Variants in FAM107A observed in about 807,000 individuals in gnomAD.
The protein encoded by FAM107A is family with sequence similarity 107 member A, also known as actin-associated protein FAM107A.
In FAM107A, 19 loss-of-function variants were observed where a neutral mutation model predicts 13.7. That is an observed-to-expected ratio of 1.38 (90% confidence interval 0.97 to 2.03). FAM107A has a LOEUF of 2.03. FAM107A is among the 30% of genes most tolerant of loss of function. The pLI is 0.00. For missense variants in FAM107A, 203 were observed against 184.4 expected, an observed-to-expected ratio of 1.10 and a Z score of -0.58; for synonymous variants, 82 against 74.5, an observed-to-expected ratio of 1.10 and a Z score of -0.52.
At position 58,569,317 on chromosome 3, in the gene FAM107A, C is replaced by T. The variant is rs899893726; in HGVS notation, c.170+374G>A. Among the ~76,000 whole-genome samples, 1 of 152,186 alleles carries T rather than the reference C, an allele frequency of 6.6e-6. No individual in the cohort carries two copies. The highest frequency in any genetic ancestry group is 2.4e-5 in the African/African-American group (1 of 41,454). On this transcript the variant is annotated intron_variant, in intron 2 of 3. Coordinates refer to ENST00000360997, the MANE Select transcript of FAM107A (RefSeq NM_001076778.3). The surrounding 1 kb of genome is among the most constrained non-coding windows in gnomAD (Gnocchi z 5.7). ...GCCTATTTATGCCCTCATCAATGCA[C>T]CCATCCTACTGCCTGGCTATGCACC...
intron 1 of FAM107A, among the ~76,000 whole-genome samples, chr3:58,596,181 A>T (rs915415743): frequency 6.6e-6 from 1 of 152,042 alleles, no homozygotes; most frequent in African/African-American, 2.4e-5. Flanking sequence ...ACCTCTTGGC[A>T]TTGGTCACTG....
intron 1 of FAM107A, among the ~76,000 whole-genome samples, chr3:58,599,786 C>T (rs550114981): frequency 7.9e-6 from 1 of 126,016 alleles, no homozygotes; most frequent in East Asian, 2.3e-4. Context: ...GGTGTGATCT[C>T]GGCTTACTGC....
At chr3:58,598,125 C>G (rs900679628) in intron 1 of FAM107A, among the ~76,000 whole-genome samples, 1 of 152,180 alleles carries the variant, frequency 6.6e-6, no homozygotes, top group African/African-American at 2.4e-5. Flanking sequence ...CAACGCTCAC[C>G]CCGAGCCTCC....
upstream of FAM107A, chr3:58,577,555 G>A (rs1346295202): frequency 4.1e-6 from 4 of 985,272 alleles, no homozygotes; most frequent in East Asian, 4.5e-4. The surrounding 1 kb of genome is among the most constrained non-coding windows in gnomAD (Gnocchi z 4.9). Flanking sequence ...CCACTTCCAC[G>A]ATGCGGAACA....
chr3:58,602,121 G>C (rs2065757707), intron 1 of FAM107A, among the ~76,000 whole-genome samples: 1 of 152,110 alleles, frequency 6.6e-6, no homozygotes, highest in South Asian at 2.1e-4. Flanking sequence ...CAGGGAAGGG[G>C]GAAGAGAGAA....
At chr3:58,576,147 A>G (rs2063729049) in intron 1 of FAM107A, among the ~76,000 whole-genome samples, 1 of 152,180 alleles carries the variant, frequency 6.6e-6, no homozygotes, top group African/African-American at 2.4e-5. Context: ...TGTATCTCGG[A>G]GCCACCTCCA....
At chr3:58,615,097 C>T (rs1172557201) in intron 1 of FAM107A, among the ~76,000 whole-genome samples, 8 of 152,364 alleles carry the variant, frequency 5.3e-5, no homozygotes, top group Admixed American at 4.6e-4. Context: ...TGAGCCACCA[C>T]GTCTGGCCCA....
chr3:58,572,153 G>A (rs889217534), intron 1 of FAM107A, among the ~76,000 whole-genome samples: 13 of 152,218 alleles, frequency 8.5e-5, no homozygotes, highest in East Asian at 3.9e-4. Flanking sequence ...GAGAAAGTGC[G>A]TAATAATAAA....
upstream of FAM107A, among the ~76,000 whole-genome samples, chr3:58,582,007 CGT>C (rs576674128): frequency 1.3e-5 from 2 of 151,858 alleles, no homozygotes; most frequent in African/African-American, 2.4e-5. Context: ...TGTGTGTGTG[CGT>C]GTGTGTGTCT....
chr3:58,612,385 G>A (rs2065862892), intron 1 of FAM107A, among the ~76,000 whole-genome samples: 1 of 152,088 alleles, frequency 6.6e-6, no homozygotes, highest in Non-Finnish European at 1.5e-5. Context: ...TTGGAGACGA[G>A]CCTAGGCAAC....
rs550153059 is a variant in FAM107A at position 58,569,836 on chromosome 3, G to A, written c.25C>T (p.Arg9Trp). The change falls in exon 2 of 4, where the codon CGG (arginine) becomes TGG (tryptophan). Residue 9 changes from arginine (R) to tryptophan (W), a missense_variant. Arg to Trp is a moderately radical substitution (Grantham distance 101). Coordinates refer to ENST00000360997, the MANE Select transcript of FAM107A (RefSeq NM_001076778.3). The surrounding 1 kb of genome is among the most constrained non-coding windows in gnomAD (Gnocchi z 5.7). ...GCCATCAGGCCCCCAATGTCTGCCCGCTCCCTCTGGATCTCCGAGTACATG... is the reference window on the plus strand; with the variant it reads ...GCCATCAGGCCCCCAATGTCTGCCCACTCCCTCTGGATCTCCGAGTACATG... MYSEIQRERADIGGLMARP... is the reference protein window; with the variant it reads MYSEIQREWADIGGLMARP... 29 of 1,613,954 alleles carry A rather than the reference G, an allele frequency of 1.8e-5. 1 individual carries two copies. Among genetic ancestry groups the A allele is most frequent in the South Asian group, 1.4e-4 (13 of 91,068 alleles).
chr3:58,622,658 C>T (rs1011435728), intron 1 of FAM107A, among the ~76,000 whole-genome samples: 11 of 152,012 alleles, frequency 7.2e-5, no homozygotes, highest in Admixed American at 1.3e-4. Flanking sequence ...GAAGTGTTGG[C>T]GGTGGATAGA....
chr3:58,616,674 A>G (rs1364897541), intron 1 of FAM107A, among the ~76,000 whole-genome samples: 1 of 152,112 alleles, frequency 6.6e-6, no homozygotes, highest in Non-Finnish European at 1.5e-5. Context: ...GGCATGGAAC[A>G]GATCCTCTGA....
intron 1 of FAM107A, among the ~76,000 whole-genome samples, chr3:58,586,238 C>G (rs1367901288): frequency 6.9e-6 from 1 of 144,288 alleles, no homozygotes; most frequent in African/African-American, 2.6e-5. Context: ...CAGCCGCCTT[C>G]AGGCACTTGT....
At chr3:58,586,832 G>C in intron 1 of FAM107A, 1 of 1,518,538 alleles carries the variant, frequency 6.6e-7, no homozygotes, top group Non-Finnish European at 8.8e-7. Flanking sequence ...ACTTCCCGCG[G>C]CGAGGGTGGC....
intron 1 of FAM107A, among the ~76,000 whole-genome samples, chr3:58,593,811 C>T (rs1439291002): frequency 6.6e-6 from 1 of 152,186 alleles, no homozygotes; most frequent in Non-Finnish European, 1.5e-5. Flanking sequence ...CTCCCTGCAC[C>T]TCCGAACCTC....
rs373421009 is a variant in FAM107A, at chr3:58,625,098, A to C, written c.-70+2318T>G. 5.9e-5 allele frequency among the ~76,000 whole-genome samples: 9 copies of C among 152,170 alleles called. No individual in the cohort carries two copies. In the East Asian group the frequency reaches 7.7e-4, roughly 13 times the overall value. On this transcript the variant is annotated intron_variant, in intron 1 of 3. Transcript: ENST00000465970. ...AATGGGGTCAAAATCCTACCCAATA[A>C]AAATGAGAAATAAAAATAAAACTTT...
chr3:58,579,914 C>T (rs1419324274), upstream of FAM107A, among the ~76,000 whole-genome samples: 1 of 152,208 alleles, frequency 6.6e-6, no homozygotes, highest in African/African-American at 2.4e-5. Flanking sequence ...ACTGCTAGCC[C>T]CAGGGCAGGT....
chr3:58,587,846 T>C (rs537088408), upstream of FAM107A, among the ~76,000 whole-genome samples: 20 of 152,306 alleles, frequency 1.3e-4, no homozygotes, highest in Admixed American at 5.9e-4. Flanking sequence ...CAAAAACTCA[T>C]GTTAATTGTG....
Sources: allele counts gnomAD v4.1 joint callset (sites outside exome capture counted in the v4.1 genomes callset), GRCh38; gene constraint gnomAD v4.1.1; non-coding constraint Gnocchi (gnomAD v3.1); transcripts MANE v1.5; gene names NCBI Gene and HGNC (gene_info 2026-07-23, HGNC 2026-07-21).